FARS2: variants seen among roughly 807,000 people sequenced by gnomAD.
FARS2 encodes phenylalanine--tRNA ligase, mitochondrial.
Under a neutral mutation model 46.4 loss-of-function variants are expected in FARS2, and 40 were observed. That is an observed-to-expected ratio of 0.86 (90% CI 0.67 to 1.12). FARS2 has a LOEUF of 1.12. Ranked by LOEUF, FARS2 falls within the 50% of genes most tolerant of loss-of-function variation. The pLI is 0.00. For missense variants in FARS2, 513 were observed against 567.9 expected, an observed-to-expected ratio of 0.90 and a Z score of 0.98; for synonymous variants, 234 against 214.9, an observed-to-expected ratio of 1.09 and a Z score of -0.78.
intron 4 of FARS2, among the ~76,000 whole-genome samples, chr6:5,522,970 G>A (rs1283141181): frequency 2.0e-5 from 3 of 152,204 alleles, no homozygotes; most frequent in African/African-American, 4.8e-5. Context: ...AAGGAGAAGA[G>A]AACTGAGTAC....
At chr6:5,371,384 T>G (rs897768281) in intron 2 of FARS2, among the ~76,000 whole-genome samples, 38 of 152,216 alleles carry the variant, frequency 2.5e-4, no homozygotes, top group African/African-American at 8.7e-4. Context: ...GTATTTTTGT[T>G]GTTTAATCTT....
At chr6:5,388,011 G>A (rs1760247779) in intron 2 of FARS2, among the ~76,000 whole-genome samples, 1 of 151,856 alleles carries the variant, frequency 6.6e-6, no homozygotes. Flanking sequence ...TATTAGCATG[G>A]TACATTTGTC....
chr6:5,745,959 G>A (rs1269435069), intron 6 of FARS2, among the ~76,000 whole-genome samples: 2 of 152,200 alleles, frequency 1.3e-5, no homozygotes, highest in African/African-American at 2.4e-5. Flanking sequence ...CCAAAAGGCT[G>A]TGAGGAGGCA....
At chr6:5,282,632 G>A (rs4516992) in intron 1 of FARS2, among the ~76,000 whole-genome samples, 1 of 152,228 alleles carries the variant, frequency 6.6e-6, no homozygotes, top group Non-Finnish European at 1.5e-5. Context: ...TTGGGCCCGT[G>A]TGGAGCACTT....
At chr6:5,521,243 G>A (rs999073836) in intron 4 of FARS2, among the ~76,000 whole-genome samples, 29 of 151,994 alleles carry the variant, frequency 1.9e-4, no homozygotes, top group African/African-American at 7.0e-4. Flanking sequence ...TTAGGTTTTG[G>A]TGCTGCCAGG....
chr6:5,522,898 C>A (rs1769230788), intron 4 of FARS2, among the ~76,000 whole-genome samples: 1 of 152,210 alleles, frequency 6.6e-6, no homozygotes, highest in African/African-American at 2.4e-5. Context: ...TTACATATTT[C>A]AAGTATTTGT....
intron 5 of FARS2, among the ~76,000 whole-genome samples, chr6:5,572,019 A>C (rs1024882493): frequency 3.9e-5 from 6 of 152,014 alleles, no homozygotes; most frequent in Non-Finnish European, 7.4e-5. Context: ...CCCCTATCCT[A>C]TATCAGCCCC....
chr6:5,769,818 C>T (rs370408275), intron 6 of FARS2, among the ~76,000 whole-genome samples: 84 of 152,280 alleles, frequency 5.5e-4, no homozygotes, highest in African/African-American at 1.5e-3. Context: ...TTGATCCAAA[C>T]GGGGGCTGCA....
intron 4 of FARS2, among the ~76,000 whole-genome samples, chr6:5,497,614 T>C (rs1767549989): frequency 6.6e-6 from 1 of 152,238 alleles, no homozygotes; most frequent in Non-Finnish European, 1.5e-5. Context: ...ACTGTTATCA[T>C]GGTAAATAAG....
intron 5 of FARS2, among the ~76,000 whole-genome samples, chr6:5,576,026 C>A (rs748358811): frequency 6.6e-6 from 1 of 152,120 alleles, no homozygotes; most frequent in African/African-American, 2.4e-5. Context: ...ACAAACTTAC[C>A]CTTTTCCCCT....
At chr6:5,512,238 G>A (rs1431166283) in intron 4 of FARS2, among the ~76,000 whole-genome samples, 1 of 152,130 alleles carries the variant, frequency 6.6e-6, no homozygotes, top group African/African-American at 2.4e-5. Flanking sequence ...GCTGAATTCA[G>A]GCCACACAGC....
At chr6:5,525,487 G>A (rs550085812) in intron 4 of FARS2, among the ~76,000 whole-genome samples, 1 of 152,160 alleles carries the variant, frequency 6.6e-6, no homozygotes, top group Non-Finnish European at 1.5e-5. Flanking sequence ...GAGAATTCCA[G>A]CGTGGCATTG....
intron 5 of FARS2, among the ~76,000 whole-genome samples, chr6:5,594,162 A>G (rs1774074111): frequency 6.6e-6 from 1 of 152,200 alleles, no homozygotes; most frequent in Non-Finnish European, 1.5e-5. Flanking sequence ...CCTTCAGTGT[A>G]GGGCATAGTA....
intron 4 of FARS2, among the ~76,000 whole-genome samples, chr6:5,486,987 C>T (rs1031031902): frequency 9.3e-5 from 14 of 151,136 alleles, no homozygotes; most frequent in Admixed American, 7.9e-4. Context: ...CACACAGAAT[C>T]CTAGAAGGGC....
In FARS2 at chr6:5,500,901, C is replaced by T. The variant is rs78486553; in HGVS notation, c.905-44279C>T. Among the ~76,000 whole-genome samples the T allele has an allele frequency of 2.5e-3, 375 of 151,342 alleles. 1 individual carries two copies. Among genetic ancestry groups the T allele is most frequent in the African/African-American group, 8.7e-3 (358 of 41,158 alleles). On this transcript the variant is annotated intron_variant, in intron 4 of 6. Coordinates refer to ENST00000274680, the MANE Select transcript of FARS2 (RefSeq NM_006567.5). ...TGACTTGGAACAAAACATTTTCTGTCCTTGTGACATTCCAGTCAAGCTTCA... is the reference window on the plus strand; with the variant it reads ...TGACTTGGAACAAAACATTTTCTGTTCTTGTGACATTCCAGTCAAGCTTCA...
intron 2 of FARS2, among the ~76,000 whole-genome samples, chr6:5,395,376 G>T (rs1036320358): frequency 6.6e-6 from 1 of 152,040 alleles, no homozygotes; most frequent in African/African-American, 2.4e-5. Context: ...ATATATAATT[G>T]CAAGTAAATA....
At chr6:5,263,323 T>C (rs1436222542) in intron 1 of FARS2, among the ~76,000 whole-genome samples, 6 of 152,228 alleles carry the variant, frequency 3.9e-5, no homozygotes, top group African/African-American at 1.4e-4. Flanking sequence ...TAGTCCTCTG[T>C]TAGTACGAGC....
chr6:5,450,307 G>A (rs1764411833), intron 4 of FARS2, among the ~76,000 whole-genome samples: 1 of 151,882 alleles, frequency 6.6e-6, no homozygotes, highest in Non-Finnish European at 1.5e-5. Flanking sequence ...TTTCAGAAAG[G>A]CCTCCTACTC....
chr6:5,447,358 T>C (rs1764240847), intron 4 of FARS2, among the ~76,000 whole-genome samples: 1 of 152,172 alleles, frequency 6.6e-6, no homozygotes, highest in Non-Finnish European at 1.5e-5. Context: ...TTAGTTCTGA[T>C]TGCAGCTTTC....
Sources: gnomAD v4.1 joint callset for allele counts (sites outside exome capture counted in the v4.1 genomes callset) on GRCh38, gnomAD v4.1.1 for gene constraint, MANE v1.5 for transcripts, NCBI Gene and HGNC (gene_info 2026-07-23, HGNC 2026-07-21) for gene names.